The following SH3TC2 variants were observed in gnomAD, a reference collection of about 807,000 sequenced individuals.
SH3TC2 encodes the protein SH3 domain and tetratricopeptide repeat-containing protein 2.
SH3TC2 carries 87 observed loss-of-function variants against 124.5 expected under a neutral mutation model. The ratio of observed to expected loss-of-function variants is 0.70; its 90% confidence interval spans 0.59 to 0.84. The LOEUF (loss-of-function observed/expected upper bound fraction) is 0.84, where lower values mean the gene tolerates loss of function less well. SH3TC2 is among the 40% of genes least tolerant of loss of function. The pLI, the probability that SH3TC2 is intolerant of heterozygous loss-of-function variation, is 0.00. For synonymous variants in SH3TC2, 634 were observed against 628.5 expected (o/e 1.01, Z -0.13); for missense variants, 1,536 against 1,566.4 (o/e 0.98, Z 0.33).
At chr5:149,048,772 A>G (rs1386355964) in intron 2 of SH3TC2, among the ~76,000 whole-genome samples, 2 of 152,154 alleles carry the variant, frequency 1.3e-5, no homozygotes, top group African/African-American at 4.8e-5. Flanking sequence ...AAAAAAAATT[A>G]ATGGGGTCAA....
chr5:149,014,356 G>A (rs1045891420), intron 12 of SH3TC2, among the ~76,000 whole-genome samples: 22 of 152,278 alleles, frequency 1.4e-4, no homozygotes, highest in African/African-American at 5.3e-4. Flanking sequence ...ACTCTTCCCA[G>A]AAATACCGAT....
rs1161441203 is a variant in SH3TC2 at position 148,982,744 on chromosome 5, A to AT, written c.*21966dup. ...CCCTGGAAGAATACACAAGAAACTAATTTTTTAAATGTGGCCTATGGTAGG... is the reference window on the plus strand; with the variant it reads ...CCCTGGAAGAATACACAAGAAACTAATTTTTTTAAATGTGGCCTATGGTAGG... On this transcript the variant is annotated 3_prime_UTR_variant, in exon 17 of 17. Coordinates refer to ENST00000515425, the MANE Select transcript of SH3TC2 (RefSeq NM_024577.4). Among the ~76,000 whole-genome samples the AT allele has an allele frequency of 6.6e-6, 1 of 152,204 alleles. No homozygotes were observed. The highest frequency in any genetic ancestry group is 1.5e-5 in the Non-Finnish European group (1 of 68,032).
At chr5:149,046,981 T>C (rs1241790444) in intron 3 of SH3TC2, 9 of 152,216 alleles carry the variant, frequency 5.9e-5, no homozygotes, top group Admixed American at 5.9e-4. Flanking sequence ...AGAACACTTT[T>C]CTCCTTCAGT....
intron 1 of SH3TC2, among the ~76,000 whole-genome samples, chr5:149,056,363 A>G (rs1014454279): frequency 2.0e-5 from 3 of 152,086 alleles, no homozygotes; most frequent in Admixed American, 6.6e-5. Flanking sequence ...AACATGTGGC[A>G]TTTTGTTTTC....
intron 4 of SH3TC2, 163 bp downstream of exon 4, chr5:149,044,370 G>T (rs1168864230): frequency 1.6e-6 from 1 of 624,206 alleles, no homozygotes; most frequent in Non-Finnish European, 2.9e-6. Context: ...ATTTGCCTTA[G>T]ATTTAGTTTG....
At chr5:149,015,818 G>A (rs527681989) in intron 12 of SH3TC2, among the ~76,000 whole-genome samples, 121 of 152,230 alleles carry the variant, frequency 7.9e-4, no homozygotes, top group Middle Eastern at 3.4e-3. Flanking sequence ...GTCCTGTTTT[G>A]ATGACAAAGA....
At chr5:149,062,352 C>A in intron 1 of SH3TC2, 1 of 533,800 alleles carries the variant, frequency 1.9e-6, no homozygotes, top group Admixed American at 1.9e-5. Flanking sequence ...TGGCCTGGAA[C>A]TGACATATCC....
Position 149,012,527 on chromosome 5 carries a change from C to A in SH3TC2, c.3204+57G>T. ...CCCCTGGTTGATTTGGAGGGTACAG[C>A]TGCCTCCCCAAATGATCCAAGTCAA... is the stretch of plus-strand genomic sequence containing the variant. On this transcript the variant is annotated intron_variant, in intron 13 of 16. Coordinates refer to ENST00000515425, the MANE Select transcript of SH3TC2 (RefSeq NM_024577.4). 4 of 1,605,568 alleles carry A rather than the reference C, an allele frequency of 2.5e-6. No individual in the cohort carries two copies. The South Asian group carries it at 4.4e-5, about 18-fold the overall frequency.
At chr5:149,034,731 C>G (rs565408537) in intron 8 of SH3TC2, among the ~76,000 whole-genome samples, 2 of 151,812 alleles carry the variant, frequency 1.3e-5, no homozygotes, top group Non-Finnish European at 2.9e-5. Flanking sequence ...CAAAAATAAT[C>G]AAAGCAAATG....
chr5:149,012,197 A>G (rs560409402), intron 13 of SH3TC2, among the ~76,000 whole-genome samples: 1 of 152,282 alleles, frequency 6.6e-6, no homozygotes, highest in South Asian at 2.1e-4. Flanking sequence ...AGAGAATAAT[A>G]TTGTTAATAC....
chr5:149,012,665 G>T lies in SH3TC2; in HGVS notation c.3123C>A (p.Asp1041Glu). 6.2e-7 allele frequency: 1 copy of T among 1,614,166 alleles called. No individual in the cohort carries two copies. Among genetic ancestry groups the T allele is most frequent in the Non-Finnish European group, 8.5e-7 (1 of 1,180,034 alleles). ...CCCCAAGCCAGGCCTCAGCAGCCTT[G>T]TCTGTCTCCCCCAGGTCAATGAAGA... ...LRIFIDLGETDKAAEAWLGAG... is the reference protein window; with the variant it reads ...LRIFIDLGETEKAAEAWLGAG... The change falls in exon 13 of 17, where the codon GAC (aspartate) becomes GAA (glutamate). Residue 1041 changes from aspartate to glutamate, a missense_variant. This residue lies in a region of SH3TC2 where 426 missense variants were observed against 443.5 expected (regional missense o/e 0.96). Transcript: ENST00000515425.
In SH3TC2 at chr5:149,004,709, C is replaced by A; in HGVS notation, c.*2G>T. The A allele has an allele frequency of 6.2e-7, 1 of 1,612,816 alleles. No homozygotes were observed. Among genetic ancestry groups the A allele is most frequent in the Non-Finnish European group, 8.5e-7 (1 of 1,179,922 alleles). ...AAATGTCCAGAGACAGGACAGCTTT[C>A]CTCAGAGGGCCAGGCCACCACCACT... On this transcript the variant is annotated 3_prime_UTR_variant, in exon 17 of 17. Transcript: ENST00000515425.
intron 16 of SH3TC2, chr5:149,006,013 C>T (rs919562206): frequency 6.6e-6 from 1 of 152,376 alleles, no homozygotes; most frequent in East Asian, 1.9e-4. Context: ...ACCTGTAATC[C>T]CACCATTTTG....
rs1580874623 is a variant in SH3TC2, at chr5:148,984,974, G to A, written c.*19737C>T. Reference sequence around the variant, plus strand: ...AGGACAGGAAGTGAATCCTAGGGATGGAAGCAATGGAAGATTACTCCCATT... The same window carrying A: ...AGGACAGGAAGTGAATCCTAGGGATAGAAGCAATGGAAGATTACTCCCATT... On this transcript the variant is annotated 3_prime_UTR_variant, in exon 17 of 17. Coordinates refer to ENST00000515425, the MANE Select transcript of SH3TC2 (RefSeq NM_024577.4). Among the ~76,000 whole-genome samples the A allele has an allele frequency of 1.3e-5, 2 of 152,248 alleles. No individual in the cohort carries two copies. The highest frequency in any genetic ancestry group is 3.9e-4 in the East Asian group (2 of 5,178).
At chr5:149,041,325 G>T in intron 6 of SH3TC2, 91 bp downstream of exon 6, 1 of 1,338,968 alleles carries the variant, frequency 7.5e-7, no homozygotes. Context: ...TCCACACTAT[G>T]GATGCCCATA....
chr5:149,059,796 G>C (rs996968778), intron 1 of SH3TC2, among the ~76,000 whole-genome samples: 3 of 152,170 alleles, frequency 2.0e-5, no homozygotes, highest in African/African-American at 7.2e-5. Flanking sequence ...CATGGAGAGA[G>C]AAGGAGAATG....
chr5:148,999,179 A>C lies in SH3TC2; in HGVS notation c.*5532T>G, dbSNP rs930108621. 1.5e-4 allele frequency among the ~76,000 whole-genome samples: 23 copies of C among 152,176 alleles called. No homozygotes were observed. Among genetic ancestry groups the C allele is most frequent in the African/African-American group, 5.1e-4 (21 of 41,444 alleles). On this transcript the variant is annotated 3_prime_UTR_variant, in exon 17 of 17. Coordinates refer to ENST00000515425, the MANE Select transcript of SH3TC2 (RefSeq NM_024577.4). ...GAAAAGGAGAAAGAGCTTCAGACCCAAGTGTCCCTGAATGCAGGACCAGGG... is the reference window on the plus strand; with the variant it reads ...GAAAAGGAGAAAGAGCTTCAGACCCCAGTGTCCCTGAATGCAGGACCAGGG...
At chr5:149,044,930 G>C (rs1233235315) in intron 3 of SH3TC2, 1 of 271,812 alleles carries the variant, frequency 3.7e-6, no homozygotes, top group African/African-American at 2.2e-5. Flanking sequence ...AGCAGCAAAA[G>C]AAGCCAGGGA....
At chr5:149,020,664 T>G (rs1753953450) in intron 12 of SH3TC2, among the ~76,000 whole-genome samples, 1 of 152,192 alleles carries the variant, frequency 6.6e-6, no homozygotes, top group African/African-American at 2.4e-5. Flanking sequence ...CTAGAGTGGC[T>G]ATGCTAATAT....
Sources: gnomAD v4.1 joint callset for allele counts (sites outside exome capture counted in the v4.1 genomes callset) on GRCh38, gnomAD v4.1.1 for gene constraint, gnomAD v4.1.1 regional missense constraint, MANE v1.5 for transcripts, NCBI Gene and HGNC (gene_info 2026-07-23, HGNC 2026-07-21) for gene names.